The following PRKCG variants were observed in gnomAD, a reference collection of about 807,000 sequenced individuals.
The protein encoded by PRKCG is protein kinase C gamma.
Under a neutral mutation model 82.0 loss-of-function variants are expected in PRKCG, and 28 were observed. The observed-to-expected ratio is 0.34, with a 90% CI of 0.25 to 0.47. The LOEUF (loss-of-function observed/expected upper bound fraction) is 0.47. Ranked by LOEUF, PRKCG falls within the 20% of genes least tolerant of loss-of-function variation. The pLI, the probability that PRKCG is intolerant of heterozygous loss-of-function variation, is 1.00. For synonymous variants in PRKCG, 383 were observed against 376.6 expected (o/e 1.02, Z -0.20); for missense variants, 640 against 952.7 (o/e 0.67, Z 4.32).
In PRKCG at chr19:53,903,050, T is replaced by A. The variant is rs759918804; in HGVS notation, c.1576-23T>A. On this transcript the variant is annotated intron_variant, in intron 14 of 17. Coordinates refer to ENST00000263431, the MANE Select transcript of PRKCG (RefSeq NM_002739.5). Reference sequence around the variant, plus strand: ...GGCTTCCTAAAGAACGCATCATGATTCCCTGCCTTCCACCTCCCCTAGATC... The same window carrying A: ...GGCTTCCTAAAGAACGCATCATGATACCCTGCCTTCCACCTCCCCTAGATC... 3.8e-6 allele frequency: 6 copies of A among 1,596,478 alleles called. No homozygotes were observed. In the South Asian group the frequency reaches 6.6e-5, roughly 18 times the overall value.
Position 53,882,381 on chromosome 19 carries a change from C to T in PRKCG, c.-114C>T. The stretch of plus-strand genomic sequence containing the variant: ...GGAGGTGCCTTGCCCCTCTCCTGCC[C>T]ACCTCGGAATTTCCCTGTGGCTCCT... On this transcript the variant is annotated 5_prime_UTR_variant, in exon 1 of 18. Coordinates refer to ENST00000263431, the MANE Select transcript of PRKCG (RefSeq NM_002739.5). The surrounding 1 kb of genome is among the most constrained non-coding windows in gnomAD (Gnocchi z 6.1). 6.8e-7 allele frequency: 1 copy of T among 1,481,262 alleles called. No individual in the cohort carries two copies. Among genetic ancestry groups the T allele is most frequent in the Non-Finnish European group, 9.2e-7 (1 of 1,088,828 alleles). The allele number at this position is 1,481,262 out of a possible 1,614,324, so 91.8% of individuals were successfully genotyped here.
chr19:53,901,409 T>G (rs1156955131), intron 14 of PRKCG, among the ~76,000 whole-genome samples: 1 of 151,838 alleles, frequency 6.6e-6, no homozygotes, highest in Non-Finnish European at 1.5e-5. Context: ...CCGGGCGTGG[T>G]GGCATGCGCC....
intron 5 of PRKCG, among the ~76,000 whole-genome samples, chr19:53,890,959 C>G (rs191924085): frequency 1.8e-3 from 269 of 152,092 alleles, no homozygotes; most frequent in Non-Finnish European, 3.3e-3. Flanking sequence ...ACCATGCTAG[C>G]CAGGCTGGTC....
chr19:53,881,229 C>T (rs1029812532), upstream of PRKCG, among the ~76,000 whole-genome samples: 3 of 151,578 alleles, frequency 2.0e-5, no homozygotes, highest in Admixed American at 6.6e-5. Flanking sequence ...AAAACAGAGA[C>T]GGAGTTGCAG....
intron 14 of PRKCG, among the ~76,000 whole-genome samples, 177 bp from the exon 15 acceptor site, chr19:53,902,890 CAAAAAA>C (rs56955659): frequency 0.015 from 300 of 19,966 alleles, no homozygotes; most frequent in African/African-American, 0.038. Flanking sequence ...GAGACCCTGT[CAAAAAA>C]AAAAAAAAAA....
intron 9 of PRKCG, among the ~76,000 whole-genome samples, chr19:53,894,500 C>G (rs1476536029): frequency 6.6e-6 from 1 of 151,358 alleles, no homozygotes; most frequent in Non-Finnish European, 1.5e-5. Flanking sequence ...CCTTTTGTCA[C>G]CCAGGTTGGA....
At chr19:53,902,620 C>T (rs1032930712) in intron 14 of PRKCG, among the ~76,000 whole-genome samples, 2 of 151,860 alleles carry the variant, frequency 1.3e-5, no homozygotes, top group Admixed American at 6.6e-5. Flanking sequence ...GGAGGCTGGG[C>T]GTGGTGGCTC....
chr19:53,904,330 C>G (rs1276524603), intron 15 of PRKCG, among the ~76,000 whole-genome samples: 1 of 151,022 alleles, frequency 6.6e-6, no homozygotes, highest in Non-Finnish European at 1.5e-5. Flanking sequence ...AGTTTTTCCT[C>G]TCTTCTATTT....
chr19:53,897,655 T>C (rs1211219168), intron 9 of PRKCG, among the ~76,000 whole-genome samples: 2 of 151,870 alleles, frequency 1.3e-5, no homozygotes, highest in Non-Finnish European at 2.9e-5. Flanking sequence ...AACGTCTCTG[T>C]GCTAGTCTCC....
At chr19:53,891,345 C>T (rs1192379511) in intron 5 of PRKCG, among the ~76,000 whole-genome samples, 3 of 150,310 alleles carry the variant, frequency 2.0e-5, no homozygotes, top group Admixed American at 1.3e-4. Flanking sequence ...GGCGTAATCT[C>T]GGCTCACTGC....
Position 53,900,597 on chromosome 19 carries a change from C to G in PRKCG, c.1437-14C>G, listed in dbSNP as rs2068756339. The G allele has an allele frequency of 6.2e-7, 1 of 1,614,218 alleles. No individual in the cohort carries two copies. Among genetic ancestry groups the G allele is most frequent in the Non-Finnish European group, 8.5e-7 (1 of 1,180,044 alleles). ...CTTCTTGCAATTCCTGCCCCACACC[C>G]CTGCATCGTCCAGGGACCTGAAGCT... On this transcript the variant is annotated splice_polypyrimidine_tract_variant and intron_variant, in intron 13 of 17. Coordinates refer to ENST00000263431, the MANE Select transcript of PRKCG (RefSeq NM_002739.5). This position sits in a 1 kb window ranked among gnomAD's most constrained non-coding sequence, Gnocchi z 4.2.
At chr19:53,901,359 C>T (rs2068761864) in intron 14 of PRKCG, among the ~76,000 whole-genome samples, 2 of 151,754 alleles carry the variant, frequency 1.3e-5, no homozygotes, top group South Asian at 4.2e-4. Context: ...GCCTGGCCAA[C>T]ATGGTGAAAC....
chr19:53,900,828 G>T lies in PRKCG; in HGVS notation c.1575+79G>T. On this transcript the variant is annotated intron_variant, in intron 14 of 17. Coordinates refer to ENST00000263431, the MANE Select transcript of PRKCG (RefSeq NM_002739.5). This position sits in a 1 kb window ranked among gnomAD's most constrained non-coding sequence, Gnocchi z 4.2. The stretch of plus-strand genomic sequence containing the variant: ...GCTGATGGTCCAGTATTCACCACGG[G>T]TGAGGCCTGACCCTCAGACCTTGTC... 1 of 1,603,250 alleles carries T rather than the reference G, an allele frequency of 6.2e-7. No individual in the cohort carries two copies. Among genetic ancestry groups the T allele is most frequent in the Non-Finnish European group, 8.5e-7 (1 of 1,174,282 alleles).
chr19:53,895,619 T>G (rs1182435361), intron 9 of PRKCG, among the ~76,000 whole-genome samples: 3 of 152,202 alleles, frequency 2.0e-5, no homozygotes, highest in Non-Finnish European at 4.4e-5. Flanking sequence ...GGGGTTCACC[T>G]GCATCAGAAT....
intron 3 of PRKCG, among the ~76,000 whole-genome samples, chr19:53,885,071 C>G (rs900186862): frequency 6.6e-6 from 1 of 152,170 alleles, no homozygotes; most frequent in Non-Finnish European, 1.5e-5. Context: ...CTAGCATTGA[C>G]CAACAGAACT....
rs2068616407 is a variant in PRKCG at position 53,884,334 on chromosome 19, T to C, written c.285+91T>C. 8.3e-7 allele frequency: 1 copy of C among 1,210,356 alleles called. No individual in the cohort carries two copies. Among genetic ancestry groups the C allele is most frequent in the Non-Finnish European group, 1.2e-6 (1 of 825,384 alleles). The allele number at this position is 1,210,356 out of a possible 1,614,324, so 75.0% of individuals were successfully genotyped here. ...GTCCCAATTTCTCCTGCTATTTTTATGGCTGGGAGGGGAGGGGGGCTGGAG... is the reference window on the plus strand; with the variant it reads ...GTCCCAATTTCTCCTGCTATTTTTACGGCTGGGAGGGGAGGGGGGCTGGAG... On this transcript the variant is annotated intron_variant, in intron 3 of 17. Transcript: ENST00000263431. This position sits in a 1 kb window ranked among gnomAD's most constrained non-coding sequence, Gnocchi z 4.6.
chr19:53,885,390 C>T (rs922985501), intron 3 of PRKCG, among the ~76,000 whole-genome samples: 6 of 152,136 alleles, frequency 3.9e-5, no homozygotes, highest in African/African-American at 9.6e-5. Context: ...CACCACACCC[C>T]GCTAATTTTT....
chr19:53,906,084 CCTTCTTCTTCTTCTT>C (rs1199099703), intron 16 of PRKCG, among the ~76,000 whole-genome samples: 1 of 27,994 alleles, frequency 3.6e-5, no homozygotes, highest in East Asian at 6.7e-4. Context: ...TCCTCCTCCT[CCTTCTTCTTCTTCTT>C]CTTCTTCTTC....
At chr19:53,895,256 G>C (rs73056744) in intron 9 of PRKCG, among the ~76,000 whole-genome samples, 5,174 of 152,096 alleles carry the variant, frequency 0.034, 178 homozygotes, top group East Asian at 0.12. Flanking sequence ...ATCCTAGTAA[G>C]GCGGGCGGAT....
Sources: allele counts gnomAD v4.1 joint callset (sites outside exome capture counted in the v4.1 genomes callset), GRCh38; gene constraint gnomAD v4.1.1; non-coding constraint Gnocchi (gnomAD v3.1); transcripts MANE v1.5; gene names NCBI Gene and HGNC (gene_info 2026-07-23, HGNC 2026-07-21).